The following NRXN2 variants were observed in gnomAD, a reference collection of about 807,000 sequenced individuals.
The protein encoded by NRXN2 is neurexin-2-beta.
In NRXN2, 29 loss-of-function variants were observed where a neutral mutation model predicts 128.8. The ratio of observed to expected loss-of-function variants is 0.23; its 90% CI spans 0.17 to 0.31. The LOEUF is 0.31. Among genes scored for constraint, NRXN2 ranks in the 10% least tolerant of loss-of-function variants. NRXN2 has a pLI of 1.00. For synonymous variants in NRXN2, 1,098 were observed against 1,075.2 expected (o/e 1.02, Z -0.41); for missense variants, 1,881 against 2,452.6 (o/e 0.77, Z 4.92).
intron 17 of NRXN2, among the ~76,000 whole-genome samples, chr11:64,636,576 G>T (rs1319055251): frequency 6.6e-6 from 1 of 152,156 alleles, no homozygotes; most frequent in Non-Finnish European, 1.5e-5. Context: ...TAAATAATTA[G>T]CCACTAATGA....
intron 6 of NRXN2, among the ~76,000 whole-genome samples, chr11:64,681,424 C>T (rs895952385): frequency 4.6e-5 from 7 of 152,090 alleles, no homozygotes; most frequent in Non-Finnish European, 7.3e-5. Flanking sequence ...CTCAAATACA[C>T]GTTTCCAAGG....
chr11:64,672,274 G>A (rs1452948315), intron 7 of NRXN2, among the ~76,000 whole-genome samples: 1 of 152,220 alleles, frequency 6.6e-6, no homozygotes, highest in Non-Finnish European at 1.5e-5. Flanking sequence ...CACCTCCCCT[G>A]TGGCAGGCTG....
intron 22 of NRXN2, among the ~76,000 whole-genome samples, chr11:64,613,924 G>A (rs2041071008): frequency 6.6e-6 from 1 of 152,122 alleles, no homozygotes; most frequent in Admixed American, 6.5e-5. Flanking sequence ...CACTGCCTGT[G>A]GAGTCTGGGC....
chr11:64,657,375 T>A (rs1297638743), intron 11 of NRXN2, among the ~76,000 whole-genome samples: 2 of 152,114 alleles, frequency 1.3e-5, no homozygotes, highest in Non-Finnish European at 2.9e-5. Context: ...AGAGGACAAC[T>A]CCAGTCTGTC....
chr11:64,638,433 G>A (rs2045133282), intron 17 of NRXN2, among the ~76,000 whole-genome samples: 1 of 152,146 alleles, frequency 6.6e-6, no homozygotes, highest in Non-Finnish European at 1.5e-5. Context: ...TCGGGAGACC[G>A]CGGGGCTGGG....
chr11:64,660,731 C>G lies in NRXN2; in HGVS notation c.2185+22G>C. On this transcript the variant is annotated intron_variant, in intron 10 of 22. Coordinates refer to ENST00000265459, the MANE Select transcript of NRXN2 (RefSeq NM_015080.4). This position sits in a 1 kb window ranked among gnomAD's most constrained non-coding sequence, Gnocchi z 5.2. ...GCACAGGGATAGGGAGCAGGGACACCTAGGATGAAGACCAGCCTCACCTCT... is the reference window on the plus strand; with the variant it reads ...GCACAGGGATAGGGAGCAGGGACACGTAGGATGAAGACCAGCCTCACCTCT... 2 of 1,607,738 alleles carry G rather than the reference C, an allele frequency of 1.2e-6. No homozygotes were observed. Among genetic ancestry groups the G allele is most frequent in the Non-Finnish European group, 1.7e-6 (2 of 1,179,974 alleles).
rs751415381 is a variant in NRXN2 at position 64,685,675 on chromosome 11, C to T, written c.1123G>A (p.Asp375Asn). ...CGCAGGTTTCGGGTGACCCGGACGT[C>T]GTGCCAGGCGTTGTCGTTGAACTTG... ...NGKFNDNAWH[D>N]VRVTRNLRQH... is the part of the protein sequence containing the mutation. The change falls in exon 6 of 23, where the codon GAC becomes AAC. Residue 375 changes from aspartate to asparagine, a missense_variant. This residue lies in a region of NRXN2 where 997 missense variants were observed against 1,240.8 expected (regional missense o/e 0.80). Coordinates refer to ENST00000265459, the MANE Select transcript of NRXN2 (RefSeq NM_015080.4). 3 of 1,614,102 alleles carry T rather than the reference C, an allele frequency of 1.9e-6. No homozygotes were observed. Among genetic ancestry groups the T allele is most frequent in the African/African-American group, 1.3e-5 (1 of 74,926 alleles).
chr11:64,696,202 AATCTT>A (rs1253059792), intron 3 of NRXN2, among the ~76,000 whole-genome samples: 1 of 151,812 alleles, frequency 6.6e-6, no homozygotes, highest in East Asian at 1.9e-4. Context: ...ATCAACACTA[AATCTT>A]ATCTCCAGCC....
intron 2 of NRXN2, among the ~76,000 whole-genome samples, chr11:64,708,732 A>G (rs1425222076): frequency 1.3e-5 from 2 of 152,224 alleles, no homozygotes; most frequent in African/African-American, 4.8e-5. Flanking sequence ...ATAAAGCTAA[A>G]ACCATTTTTC....
intron 2 of NRXN2, among the ~76,000 whole-genome samples, chr11:64,712,331 G>C (rs114803931): frequency 0.01 from 1,478 of 146,152 alleles, 13 homozygotes; most frequent in African/African-American, 0.034. Context: ...CTACTCATAG[G>C]CCCTCACGGT....
At chr11:64,657,426 C>G (rs1032058162) in intron 11 of NRXN2, among the ~76,000 whole-genome samples, 22 of 152,224 alleles carry the variant, frequency 1.4e-4, no homozygotes, top group African/African-American at 5.3e-4. Flanking sequence ...GCTCCAAACT[C>G]AAGTCTCTAT....
At chr11:64,656,302 T>C (rs1233864946) in intron 11 of NRXN2, among the ~76,000 whole-genome samples, 1 of 152,160 alleles carries the variant, frequency 6.6e-6, no homozygotes, top group Non-Finnish European at 1.5e-5. Flanking sequence ...TAAAGGGCTT[T>C]GGGATACAAT....
At chr11:64,709,154 C>T (rs544607785) in intron 2 of NRXN2, among the ~76,000 whole-genome samples, 12 of 147,624 alleles carry the variant, frequency 8.1e-5, no homozygotes, top group African/African-American at 2.5e-5. Context: ...ATCGTGCCAT[C>T]GCACTCCAGC....
chr11:64,676,748 G>A (rs981052475), intron 7 of NRXN2: 1 of 590,964 alleles, frequency 1.7e-6, no homozygotes, highest in South Asian at 2.1e-5. Flanking sequence ...TTACAGCAGG[G>A]ACAAGCCAAA....
intron 4 of NRXN2, among the ~76,000 whole-genome samples, 199 bp from the exon 5 acceptor site, chr11:64,690,675 C>G (rs1439720533): frequency 1.3e-5 from 2 of 152,120 alleles, no homozygotes; most frequent in Non-Finnish European, 2.9e-5. Flanking sequence ...ATCAGCCCCA[C>G]AGACCCCATC....
At position 64,635,415 on chromosome 11, in the gene NRXN2, G is replaced by T. The variant is rs758982262; in HGVS notation, c.3441C>A (p.Leu1147=). 1.2e-6 allele frequency: 2 copies of T among 1,613,868 alleles called. No individual in the cohort carries two copies. Among genetic ancestry groups the T allele is most frequent in the Non-Finnish European group, 1.7e-6 (2 of 1,180,014 alleles). ...CATTGGGGGGCCACGTGTAGGTGAT[G>T]AGCGCTCCCCCCTTCCCAAAGATGT... The part of the protein sequence containing the change: ...TTYIFGKGGA[L]ITYTWPPNDR... Residue 1147 remains leucine (L), a synonymous_variant, in exon 18 of 23, where the codon CTC becomes CTA. Transcript: ENST00000265459. This position sits in a 1 kb window ranked among gnomAD's most constrained non-coding sequence, Gnocchi z 4.8.
intron 2 of NRXN2, among the ~76,000 whole-genome samples, chr11:64,699,161 G>A (rs2054943759): frequency 1.3e-5 from 2 of 152,080 alleles, no homozygotes; most frequent in South Asian, 2.1e-4. Flanking sequence ...CATAATCCAC[G>A]CACATACACA....
intron 5 of NRXN2, chr11:64,688,813 C>A: frequency 1.0e-6 from 1 of 985,378 alleles, no homozygotes; most frequent in South Asian, 4.7e-5. Flanking sequence ...AAGCAGCTGC[C>A]TTCTTTCCAG....
chr11:64,665,340 G>C (rs1161059016), intron 9 of NRXN2, among the ~76,000 whole-genome samples: 1 of 152,116 alleles, frequency 6.6e-6, no homozygotes, highest in Non-Finnish European at 1.5e-5. Context: ...GGTCAAGACA[G>C]GAATCCAAAG....
Sources: gnomAD v4.1 joint callset for allele counts (sites outside exome capture counted in the v4.1 genomes callset) on GRCh38, gnomAD v4.1.1 for gene constraint, gnomAD v4.1.1 regional missense constraint, Gnocchi (gnomAD v3.1) non-coding constraint, MANE v1.5 for transcripts, NCBI Gene and HGNC (gene_info 2026-07-23, HGNC 2026-07-21) for gene names.